Variants in TTLL11 observed in about 807,000 individuals in gnomAD.
TTLL11 encodes the protein tubulin tyrosine ligase like 11, also known as tubulin polyglutamylase TTLL11.
TTLL11 carries 42 observed loss-of-function variants against 51.7 expected under a neutral mutation model. The ratio of observed to expected loss-of-function variants is 0.81; its 90% CI spans 0.64 to 1.05. The LOEUF (loss-of-function observed/expected upper bound fraction) is 1.05, where lower values mean the gene tolerates loss of function less well. TTLL11 is among the 50% of genes least tolerant of loss of function. The probability of loss-of-function intolerance (pLI) is 0.00; values close to 1 mark genes in which losing one functional copy is unlikely to be tolerated. For missense variants in TTLL11, 799 were observed against 940.4 expected, an observed-to-expected ratio of 0.85 and a Z score of 1.97; for synonymous variants, 381 against 383.5, an observed-to-expected ratio of 0.99 and a Z score of 0.08.
intron 1 of TTLL11, among the ~76,000 whole-genome samples, chr9:122,082,825 G>A (rs1214834172): frequency 6.6e-6 from 1 of 152,104 alleles, no homozygotes; most frequent in Admixed American, 6.5e-5. Context: ...TTGAGCCCAG[G>A]AGACTAGCTT....
intron 3 of TTLL11, among the ~76,000 whole-genome samples, chr9:122,000,759 G>A (rs1421991411): frequency 6.6e-6 from 1 of 152,194 alleles, no homozygotes; most frequent in African/African-American, 2.4e-5. Flanking sequence ...GTATGGAGAA[G>A]CCATTCTTTT....
chr9:121,847,023 A>G (rs1305359258), intron 8 of TTLL11, among the ~76,000 whole-genome samples: 1 of 152,204 alleles, frequency 6.6e-6, no homozygotes, highest in African/African-American at 2.4e-5. Flanking sequence ...ATCCTGGCTA[A>G]CAAGGTGAAA....
intron 4 of TTLL11, among the ~76,000 whole-genome samples, chr9:121,977,842 T>C (rs897376564): frequency 1.3e-5 from 2 of 151,900 alleles, no homozygotes; most frequent in Non-Finnish European, 2.9e-5. Context: ...GCCCAGCTAA[T>C]TTTTGTATTT....
chr9:121,956,658 G>A (rs1048253665), intron 6 of TTLL11, among the ~76,000 whole-genome samples: 7 of 151,922 alleles, frequency 4.6e-5, no homozygotes, highest in African/African-American at 7.3e-5. Context: ...AGGGTCTTCC[G>A]GTGGCCCGGG....
At chr9:121,925,349 A>T (rs1446966464) in intron 6 of TTLL11, among the ~76,000 whole-genome samples, 2 of 152,206 alleles carry the variant, frequency 1.3e-5, no homozygotes, top group African/African-American at 4.8e-5. Flanking sequence ...CTCCCAGGCT[A>T]GGTGGGCTCC....
intron 8 of TTLL11, among the ~76,000 whole-genome samples, chr9:121,824,777 C>G (rs1034765129): frequency 6.6e-6 from 1 of 152,116 alleles, no homozygotes; most frequent in Non-Finnish European, 1.5e-5. Context: ...AGGCTGGTGT[C>G]AACTCTGAAA....
At chr9:121,950,591 C>T (rs967703350) in intron 6 of TTLL11, among the ~76,000 whole-genome samples, 2 of 152,174 alleles carry the variant, frequency 1.3e-5, no homozygotes, top group Admixed American at 1.3e-4. Context: ...GAGAGCCTGG[C>T]TTCTCCCGGG....
intron 1 of TTLL11, among the ~76,000 whole-genome samples, chr9:122,060,011 T>G (rs1255023633): frequency 6.6e-6 from 1 of 152,224 alleles, no homozygotes; most frequent in African/African-American, 2.4e-5. Context: ...CCTGACTGGC[T>G]GGAATGCATC....
At chr9:121,893,618 T>G (rs1839342689) in intron 6 of TTLL11, among the ~76,000 whole-genome samples, 1 of 152,162 alleles carries the variant, frequency 6.6e-6, no homozygotes, top group Admixed American at 6.5e-5. Context: ...TCCTTCCCAC[T>G]TAACAAGGAA....
chr9:121,899,968 C>T (rs1271657607), intron 6 of TTLL11, among the ~76,000 whole-genome samples: 1 of 152,190 alleles, frequency 6.6e-6, no homozygotes, highest in African/African-American at 2.4e-5. Context: ...ATGCAGTAGA[C>T]ACTATTTCCC....
At chr9:122,071,762 T>C (rs1845736558) in intron 1 of TTLL11, among the ~76,000 whole-genome samples, 1 of 152,184 alleles carries the variant, frequency 6.6e-6, no homozygotes, top group Non-Finnish European at 1.5e-5. Context: ...CTCAGAGGGT[T>C]GCGGGAGACT....
chr9:122,029,371 C>A (rs1222470698), intron 3 of TTLL11, among the ~76,000 whole-genome samples: 9 of 152,114 alleles, frequency 5.9e-5, no homozygotes, highest in Non-Finnish European at 1.2e-4. Flanking sequence ...CAGCCCTACG[C>A]ATGTTACTGC....
At chr9:122,029,493 A>C (rs1276836108) in intron 3 of TTLL11, among the ~76,000 whole-genome samples, 2 of 152,218 alleles carry the variant, frequency 1.3e-5, no homozygotes, top group Non-Finnish European at 2.9e-5. Context: ...TTGGTTTTCT[A>C]ACAAAAAATT....
In TTLL11 at chr9:121,853,384, G is replaced by A. The variant is rs1837721921; in HGVS notation, c.1840+6953C>T. 6.6e-6 allele frequency among the ~76,000 whole-genome samples: 1 copy of A among 151,522 alleles called. No individual in the cohort carries two copies. The highest frequency in any genetic ancestry group is 2.4e-5 in the African/African-American group (1 of 41,240). On this transcript the variant is annotated intron_variant, in intron 8 of 8. Coordinates refer to ENST00000321582, the MANE Select transcript of TTLL11 (RefSeq NM_001139442.2). The surrounding 1 kb of genome is among the most constrained non-coding windows in gnomAD (Gnocchi z 5.6). Reference sequence around the variant, plus strand: ...TGCGGAGCAGGTGAGACGGTACTGGGCCCAGCCTGAGCACTGGGGGAGGCT... The same window carrying A: ...TGCGGAGCAGGTGAGACGGTACTGGACCCAGCCTGAGCACTGGGGGAGGCT...
chr9:122,048,983 C>T (rs1845089787), intron 1 of TTLL11, among the ~76,000 whole-genome samples: 1 of 151,232 alleles, frequency 6.6e-6, no homozygotes, highest in African/African-American at 2.4e-5. Flanking sequence ...TTTCTGAGGT[C>T]ATAAATTCCT....
At chr9:122,021,250 C>CGGG (rs1554783513) in intron 3 of TTLL11, among the ~76,000 whole-genome samples, 2 of 58,858 alleles carry the variant, frequency 3.4e-5, no homozygotes, top group East Asian at 4.5e-4. Context: ...TGCAGAGTGC[C>CGGG]CCAGTAGGAC....
chr9:121,838,035 C>T lies in TTLL11; in HGVS notation c.1841-15156G>A, dbSNP rs142841559. On this transcript the variant is annotated intron_variant, in intron 8 of 8. Coordinates refer to ENST00000321582, the MANE Select transcript of TTLL11 (RefSeq NM_001139442.2). ...CGCTCTCTCTTCCTGTCATTCATTC[C>T]CCAGGTTGAAATACCTTCAATGAAT... is the stretch of plus-strand genomic sequence containing the variant. Among the ~76,000 whole-genome samples, 438 of 152,320 alleles carry T rather than the reference C, an allele frequency of 2.9e-3. 2 individuals carry two copies. Among genetic ancestry groups the T allele is most frequent in the Middle Eastern group, 6.8e-3 (2 of 294 alleles).
At chr9:122,047,591 T>C (rs963635152) in intron 1 of TTLL11, among the ~76,000 whole-genome samples, 2 of 149,704 alleles carry the variant, frequency 1.3e-5, no homozygotes. Context: ...AGAGAGTACA[T>C]GTTGTAAAAG....
intron 3 of TTLL11, among the ~76,000 whole-genome samples, chr9:122,019,922 G>A (rs1463566922): frequency 6.6e-6 from 1 of 152,144 alleles, no homozygotes; most frequent in Non-Finnish European, 1.5e-5. Context: ...CTTTTCACTT[G>A]GTTCTCATAG....
Sources: allele counts gnomAD v4.1 joint callset (sites outside exome capture counted in the v4.1 genomes callset), GRCh38; gene constraint gnomAD v4.1.1; non-coding constraint Gnocchi (gnomAD v3.1); transcripts MANE v1.5; gene names NCBI Gene and HGNC (gene_info 2026-07-23, HGNC 2026-07-21).